NLRP14: variants seen among roughly 807,000 people sequenced by gnomAD.
The protein encoded by NLRP14 is NLR family pyrin domain containing 14, also known as NACHT, LRR and PYD domains-containing protein 14.
Under a neutral mutation model 94.7 loss-of-function variants are expected in NLRP14, and 105 were observed. That is an observed-to-expected ratio of 1.11 (90% CI 0.95 to 1.30). NLRP14 has a LOEUF of 1.30. NLRP14 is among the 50% of genes most tolerant of loss of function. The probability of loss-of-function intolerance (pLI) is 0.00; values close to 1 mark genes in which losing one functional copy is unlikely to be tolerated. For synonymous variants in NLRP14, 508 were observed against 459.9 expected (o/e 1.10, Z -1.34); for missense variants, 1,362 against 1,254.1 (o/e 1.09, Z -1.30).
chr11:7,046,843 T>G lies in NLRP14; in HGVS notation c.2123+11T>G. On this transcript the variant is annotated intron_variant, in intron 5 of 11. Transcript: ENST00000299481. ...ACTACAAAAGCTACTGTAAGTCTGG[T>G]ATGAGAAAATTTAATGGAGTTATTC... 6.2e-7 allele frequency: 1 copy of G among 1,601,734 alleles called. No individual in the cohort carries two copies. Among genetic ancestry groups the G allele is most frequent in the Non-Finnish European group, 8.6e-7 (1 of 1,168,990 alleles).
chr11:7,050,507 C>G (rs1421988859), intron 6 of NLRP14, among the ~76,000 whole-genome samples: 2 of 152,034 alleles, frequency 1.3e-5, no homozygotes, highest in African/African-American at 4.8e-5. Context: ...TCTGACAAAA[C>G]CAGACAAAAC....
chr11:7,090,403 T>G, the NLRP14 span: 1 of 1,367,990 alleles, frequency 7.3e-7, no homozygotes, highest in Non-Finnish European at 1.0e-6. Context: ...GAAGAGTTGT[T>G]TTTACCTTTT....
chr11:7,044,064 G>C, intron 4 of NLRP14, 80 bp downstream of exon 4: 1 of 1,358,144 alleles, frequency 7.4e-7, no homozygotes, highest in South Asian at 1.2e-5. Flanking sequence ...GAGGCGTTTA[G>C]CTGAGGTCCC....
intron 10 of NLRP14, among the ~76,000 whole-genome samples, chr11:7,063,564 C>A (rs1852659816): frequency 6.6e-6 from 1 of 151,974 alleles, no homozygotes; most frequent in South Asian, 2.1e-4. Context: ...AAACATGTAG[C>A]AGAGAGAAAG....
At chr11:7,046,530 G>C in intron 4 of NLRP14, 138 bp from the exon 5 acceptor site, 1 of 771,368 alleles carries the variant, frequency 1.3e-6, no homozygotes, top group Admixed American at 1.9e-5. Flanking sequence ...CTGGTGGACT[G>C]TGCCCACGGT....
In NLRP14 at chr11:7,042,635, C is replaced by T. The variant is rs199475881; in HGVS notation, c.609C>T (p.Gly203=). ...AGGCAATGTTAGATTGGGCAGAGGG[C>T]AGTCTCTACCAGCAGAGGTTTAAGT... The part of the protein sequence containing the change: ...VRKAMLDWAE[G]SLYQQRFKYV... Residue 203 remains glycine, a synonymous_variant, in exon 4 of 12, where the codon GGC becomes GGT. Transcript: ENST00000299481. 1 of 1,614,078 alleles carries T rather than the reference C, an allele frequency of 6.2e-7. No individual in the cohort carries two copies. Among genetic ancestry groups the T allele is most frequent in the Non-Finnish European group, 8.5e-7 (1 of 1,179,930 alleles).
the NLRP14 span, among the ~76,000 whole-genome samples, chr11:7,086,596 T>G: frequency 6.6e-6 from 1 of 152,236 alleles, no homozygotes; most frequent in African/African-American, 2.4e-5. Context: ...TCAGACACAA[T>G]ATCCATTCCC....
In NLRP14 at chr11:7,042,453, T is replaced by C. The variant is rs1852269344; in HGVS notation, c.427T>C (p.Leu143=). 6.2e-7 allele frequency: 1 copy of C among 1,613,960 alleles called. No individual in the cohort carries two copies. Among genetic ancestry groups the C allele is most frequent in the East Asian group, 2.2e-5 (1 of 44,886 alleles). ...KFCITWDKKS[L]AGKPEDFHHG... ...TTGCATCACTTGGGACAAGAAGTCTTTGGCTGGAAAGCCTGAAGATTTCCA... is the reference window on the plus strand; with the variant it reads ...TTGCATCACTTGGGACAAGAAGTCTCTGGCTGGAAAGCCTGAAGATTTCCA... Residue 143 remains leucine (L), a synonymous_variant, in exon 4 of 12, where the codon TTG becomes CTG. Transcript: ENST00000299481.
At chr11:7,078,462 A>ACAAAAAAAAAAAAAAG in the NLRP14 span, among the ~76,000 whole-genome samples, 1 of 88,484 alleles carries the variant, frequency 1.1e-5, no homozygotes, top group Non-Finnish European at 2.0e-5. Context: ...AAAAAAAAAA[A>ACAAAAAAAAAAAAAAG]CAAAAAAATT....
At chr11:7,089,427 G>C in the NLRP14 span, 2 of 1,551,336 alleles carry the variant, frequency 1.3e-6, no homozygotes. Context: ...CCGCAGCCGC[G>C]GTCGCCCGAG....
intron 10 of NLRP14, among the ~76,000 whole-genome samples, chr11:7,069,358 A>T (rs1015423738): frequency 6.6e-6 from 1 of 152,194 alleles, no homozygotes; most frequent in Non-Finnish European, 1.5e-5. Context: ...AGGTAAACAT[A>T]AGGTGAAAAT....
At position 7,049,850 on chromosome 11, in the gene NLRP14, A is replaced by T; in HGVS notation, c.2291+12A>T. 1.2e-6 allele frequency: 2 copies of T among 1,609,862 alleles called. No homozygotes were observed. Among genetic ancestry groups the T allele is most frequent in the Non-Finnish European group, 1.7e-6 (2 of 1,176,328 alleles). ...CTACAGACTCTCAGGTAAGCTTTGA[A>T]TTGTTTTGTCTTGTTTTGTTTTTAT... is the stretch of plus-strand genomic sequence containing the variant. On this transcript the variant is annotated intron_variant, in intron 6 of 11. Transcript: ENST00000299481.
At chr11:7,088,996 G>C in the NLRP14 span, 1 of 1,171,458 alleles carries the variant, frequency 8.5e-7, no homozygotes, top group Non-Finnish European at 1.2e-6. Context: ...CTGCGGTTCC[G>C]TGGACTCGGC....
chr11:7,089,575 C>T, the NLRP14 span: 1 of 1,182,004 alleles, frequency 8.5e-7, no homozygotes, highest in Non-Finnish European at 1.0e-6. Context: ...AAGCGTGGGC[C>T]GCCGCCGCGC....
intron 6 of NLRP14, among the ~76,000 whole-genome samples, chr11:7,051,643 G>A (rs780560682): frequency 6.6e-6 from 1 of 152,156 alleles, no homozygotes; most frequent in African/African-American, 2.4e-5. Context: ...TTGAGACAGA[G>A]TCTCGTTCTG....
intron 1 of NLRP14, among the ~76,000 whole-genome samples, chr11:7,028,123 T>C (rs1383327176): frequency 1.3e-5 from 2 of 152,196 alleles, no homozygotes; most frequent in Non-Finnish European, 2.9e-5. Flanking sequence ...TTGTATCTAC[T>C]GCTCAGACTT....
chr11:7,049,746 T>A lies in NLRP14; in HGVS notation c.2199T>A (p.His733Gln), dbSNP rs1852414844. ...TGATTCATAACAAGAATCTGATGCA[T>A]CTTGACCTAAAAGGGAGTGATATAG... Reference protein sequence around the residue: ...TSLIHNKNLMHLDLKGSDIGD... With the variant: ...TSLIHNKNLMQLDLKGSDIGD... The change falls in exon 6 of 12, where the codon CAT becomes CAA. Residue 733 changes from histidine to glutamine, a missense_variant. By Grantham distance (24) the His-to-Gln change is conservative. Transcript: ENST00000299481. 6.2e-7 allele frequency: 1 copy of A among 1,610,812 alleles called. No individual in the cohort carries two copies. The highest frequency in any genetic ancestry group is 1.3e-5 in the African/African-American group (1 of 74,844).
chr11:7,037,609 C>A (rs144150948), intron 1 of NLRP14, among the ~76,000 whole-genome samples: 1 of 152,056 alleles, frequency 6.6e-6, no homozygotes, highest in Non-Finnish European at 1.5e-5. Context: ...AATTGGAGCA[C>A]CCATGCTGAA....
the NLRP14 span, chr11:7,089,704 G>C: frequency 6.7e-7 from 1 of 1,495,286 alleles, no homozygotes; most frequent in Non-Finnish European, 8.9e-7. Context: ...GGCCCACCGC[G>C]CCGGGAGCCG....
Sources: gnomAD v4.1 joint callset for allele counts (sites outside exome capture counted in the v4.1 genomes callset) on GRCh38, gnomAD v4.1.1 for gene constraint, MANE v1.5 for transcripts, NCBI Gene and HGNC (gene_info 2026-07-23, HGNC 2026-07-21) for gene names.